SGCZ: variants seen among roughly 807,000 people sequenced by gnomAD.
SGCZ encodes the protein zeta-sarcoglycan.
In SGCZ, 40 loss-of-function variants were observed where a neutral mutation model predicts 41.3. That is an observed-to-expected ratio of 0.97 (90% CI 0.75 to 1.26). The LOEUF (loss-of-function observed/expected upper bound fraction) is 1.26. Among genes scored for constraint, SGCZ ranks in the 50% most tolerant of loss-of-function variants. SGCZ has a pLI of 0.00. For synonymous variants in SGCZ, 206 were observed against 137.5 expected, an observed-to-expected ratio of 1.50 and a Z score of -3.49; for missense variants, 552 against 369.8, an observed-to-expected ratio of 1.49 and a Z score of -4.04.
intron 1 of SGCZ, among the ~76,000 whole-genome samples, chr8:14,972,830 G>A (rs1450849822): frequency 6.6e-6 from 1 of 152,114 alleles, no homozygotes; most frequent in Non-Finnish European, 1.5e-5. Flanking sequence ...AATTAAACAT[G>A]CTATAAATTC....
chr8:14,185,186 G>T (rs539613719), intron 4 of SGCZ, among the ~76,000 whole-genome samples: 1 of 152,068 alleles, frequency 6.6e-6, no homozygotes, highest in Non-Finnish European at 1.5e-5. Context: ...TGGATCACGA[G>T]GTCAGGAGAT....
At chr8:15,134,304 C>T (rs201510845) in intron 1 of SGCZ, among the ~76,000 whole-genome samples, 2 of 145,698 alleles carry the variant, frequency 1.4e-5, no homozygotes, top group African/African-American at 2.5e-5. Context: ...AGCATTAGGT[C>T]TTTTTTTTTT....
At chr8:14,895,943 G>C (rs938124076) in intron 1 of SGCZ, among the ~76,000 whole-genome samples, 1 of 152,184 alleles carries the variant, frequency 6.6e-6, no homozygotes, top group African/African-American at 2.4e-5. Flanking sequence ...ACTCACTTTA[G>C]TAAAATGTTT....
Position 15,146,750 on chromosome 8 carries a change from T to A in SGCZ, c.39+90835A>T, listed in dbSNP as rs1004602541. ...TTTTTTAAATTATGTATTAATTACT[T>A]TGACAAAAATATTTTTATAAAAGAG... On this transcript the variant is annotated intron_variant, in intron 1 of 7. Coordinates refer to ENST00000382080, the MANE Select transcript of SGCZ (RefSeq NM_139167.4). Among the ~76,000 whole-genome samples, 4 of 152,306 alleles carry A rather than the reference T, an allele frequency of 2.6e-5. No homozygotes were observed. In the East Asian group the frequency reaches 7.7e-4, roughly 29 times the overall value.
chr8:14,153,400 C>T (rs1362413447), intron 5 of SGCZ, among the ~76,000 whole-genome samples: 3 of 152,044 alleles, frequency 2.0e-5, no homozygotes, highest in Non-Finnish European at 2.9e-5. Flanking sequence ...CCTCTGAATA[C>T]CAGTGCAAGG....
At chr8:15,218,313 A>T (rs1801484369) in intron 1 of SGCZ, among the ~76,000 whole-genome samples, 1 of 152,210 alleles carries the variant, frequency 6.6e-6, no homozygotes, top group Non-Finnish European at 1.5e-5. Context: ...TTATAAATCA[A>T]ATACCCAGAA....
intron 3 of SGCZ, among the ~76,000 whole-genome samples, chr8:14,321,570 T>C (rs1459393902): frequency 6.6e-6 from 1 of 152,126 alleles, no homozygotes; most frequent in Non-Finnish European, 1.5e-5. Context: ...AAATTCTGTA[T>C]GTCAGAGTGA....
Position 14,220,141 on chromosome 8 carries a change from G to A in SGCZ, c.424+17451C>T, listed in dbSNP as rs563618496. 4.6e-5 allele frequency among the ~76,000 whole-genome samples: 7 copies of A among 152,154 alleles called. No individual in the cohort carries two copies. The South Asian group carries it at 1.2e-3, about 27-fold the overall frequency. ...ATATATCAAAAAGATGCATATAAAC[G>A]TACACCAAAAGGGAGGCAGAAGAAT... is the stretch of plus-strand genomic sequence containing the variant. On this transcript the variant is annotated intron_variant, in intron 4 of 7. Transcript: ENST00000382080.
chr8:14,763,525 A>G (rs1799951476), intron 1 of SGCZ, among the ~76,000 whole-genome samples: 1 of 152,186 alleles, frequency 6.6e-6, no homozygotes, highest in African/African-American at 2.4e-5. Flanking sequence ...GTATCTGCAT[A>G]GGAGACACTT....
intron 1 of SGCZ, among the ~76,000 whole-genome samples, chr8:14,683,065 G>A (rs1200165085): frequency 6.6e-6 from 1 of 152,080 alleles, no homozygotes; most frequent in African/African-American, 2.4e-5. Context: ...TAAGCAACTT[G>A]TGAAAACCCA....
intron 1 of SGCZ, among the ~76,000 whole-genome samples, chr8:14,945,981 G>A (rs1474052833): frequency 1.9e-5 from 2 of 106,366 alleles, no homozygotes; most frequent in South Asian, 6.9e-4. Flanking sequence ...AATAGCATAA[G>A]CCAATTCCCC....
At chr8:14,718,507 G>C (rs920618) in intron 1 of SGCZ, among the ~76,000 whole-genome samples, 55,591 of 151,622 alleles carry the variant, frequency 0.37, 12,085 homozygotes, top group African/African-American at 0.6. Context: ...CTATAAAGAA[G>C]AGTCTTATAA....
intron 1 of SGCZ, among the ~76,000 whole-genome samples, chr8:15,004,712 G>A (rs1319239494): frequency 6.6e-6 from 1 of 152,088 alleles, no homozygotes; most frequent in African/African-American, 2.4e-5. Flanking sequence ...GACAACAAAA[G>A]ACTGAGGATT....
intron 1 of SGCZ, among the ~76,000 whole-genome samples, chr8:14,719,822 G>T (rs1809821320): frequency 6.6e-6 from 1 of 151,870 alleles, no homozygotes. Context: ...CACTCTGATG[G>T]TAGTTTCTTT....
At chr8:15,033,236 C>G (rs999017841) in intron 1 of SGCZ, among the ~76,000 whole-genome samples, 3 of 151,790 alleles carry the variant, frequency 2.0e-5, no homozygotes, top group African/African-American at 7.3e-5. Context: ...CCTCATAGAC[C>G]TAGCCTCCAG....
intron 1 of SGCZ, among the ~76,000 whole-genome samples, chr8:15,160,360 C>A (rs894120663): frequency 6.6e-6 from 1 of 152,172 alleles, no homozygotes. Context: ...TTTTACATAT[C>A]TACTCCGCTG....
At chr8:15,226,420 TA>T (rs1801774900) in intron 1 of SGCZ, among the ~76,000 whole-genome samples, 1 of 152,242 alleles carries the variant, frequency 6.6e-6, no homozygotes, top group African/African-American at 2.4e-5. Flanking sequence ...AATTGATCAT[TA>T]TTATCTCCAA....
intron 1 of SGCZ, among the ~76,000 whole-genome samples, chr8:15,115,442 C>T (rs774408107): frequency 9.2e-5 from 14 of 152,266 alleles, no homozygotes; most frequent in African/African-American, 2.6e-4. Flanking sequence ...AATGGAAACA[C>T]GGTTTGCCTC....
chr8:15,031,034 G>T (rs1225985145), intron 1 of SGCZ, among the ~76,000 whole-genome samples: 2 of 151,838 alleles, frequency 1.3e-5, no homozygotes, highest in African/African-American at 4.8e-5. Flanking sequence ...ATTTTAGTTT[G>T]TTTCAATTTT....
Sources: allele counts gnomAD v4.1 joint callset (sites outside exome capture counted in the v4.1 genomes callset), GRCh38; gene constraint gnomAD v4.1.1; transcripts MANE v1.5; gene names NCBI Gene and HGNC (gene_info 2026-07-23, HGNC 2026-07-21).